UPRT: variants seen among roughly 807,000 people sequenced by gnomAD.
UPRT encodes RP11-311P8.3.
A neutral mutation model predicts 22.6 loss-of-function variants in UPRT; 5 were observed. That is an observed-to-expected ratio of 0.22 (90% confidence interval 0.12 to 0.47). UPRT has a LOEUF of 0.47. Ranked by LOEUF, UPRT falls within the 20% of genes least tolerant of loss-of-function variation. UPRT has a pLI of 0.99. For missense variants in UPRT, 181 were observed against 239.9 expected (o/e 0.75, Z 1.62); for synonymous variants, 77 against 87.7 (o/e 0.88, Z 0.68).
chrX:75,203,033 T>C (rs184012603), intron 4 of UPRT, among the ~76,000 whole-genome samples: 84 of 111,069 alleles, frequency 7.6e-4, no homozygotes, highest in African/African-American at 2.5e-3. Flanking sequence ...GACCCATCAG[T>C]GTACTGTATT....
At chrX:75,291,339 A>G (rs1222524134) in intron 1 of UPRT, 1 of 299,783 alleles carries the variant, frequency 3.3e-6, no homozygotes, top group Non-Finnish European at 6.3e-6. Flanking sequence ...ATTTTACATT[A>G]GACTTTATTT....
chrX:75,256,420 C>G (rs1161750578), intron 4 of UPRT, among the ~76,000 whole-genome samples: 1 of 110,906 alleles, frequency 9.0e-6, no homozygotes, highest in African/African-American at 3.3e-5. Flanking sequence ...ACTAAAAGAG[C>G]ACAAACAGAC....
chrX:75,277,856 A>C (rs1200434390), intron 1 of UPRT, among the ~76,000 whole-genome samples: 5 of 111,557 alleles, frequency 4.5e-5, no homozygotes, highest in African/African-American at 1.6e-4. Flanking sequence ...CATTGTTTTT[A>C]GTTTTGTTTT....
chrX:75,213,383 TA>T (rs2082384801), intron 4 of UPRT, among the ~76,000 whole-genome samples: 2 of 112,105 alleles, frequency 1.8e-5, no homozygotes, highest in Admixed American at 9.5e-5. Flanking sequence ...ATAACAGATT[TA>T]AAAAAATGAT....
chrX:75,282,630 G>C (rs1287550998), intron 1 of UPRT, among the ~76,000 whole-genome samples: 1 of 111,992 alleles, frequency 8.9e-6, no homozygotes, highest in East Asian at 2.8e-4. Flanking sequence ...ACTGCGGTCT[G>C]AGAGAGTGCT....
At chrX:75,222,659 T>C (rs2082413563) in intron 4 of UPRT, among the ~76,000 whole-genome samples, 1 of 111,057 alleles carries the variant, frequency 9.0e-6, no homozygotes, top group South Asian at 3.9e-4. Flanking sequence ...ACCACTGGCA[T>C]TCACTTAAGG....
At chrX:75,172,586 C>G (rs1199436478) in intron 4 of UPRT, among the ~76,000 whole-genome samples, 3 of 111,860 alleles carry the variant, frequency 2.7e-5, no homozygotes, top group African/African-American at 9.8e-5. Context: ...AAGAATGAAG[C>G]CACGGACCCT....
At chrX:75,259,014 C>A (rs1209952722) in intron 4 of UPRT, among the ~76,000 whole-genome samples, 1 of 111,785 alleles carries the variant, frequency 8.9e-6, no homozygotes, top group Admixed American at 9.5e-5. Flanking sequence ...CTCCAGCAGA[C>A]CTGCATCAGA....
chrX:75,292,779 C>G (rs2082712902), intron 1 of UPRT, among the ~76,000 whole-genome samples: 1 of 110,641 alleles, frequency 9.0e-6, no homozygotes, highest in Admixed American at 9.7e-5. Flanking sequence ...CTTTTTGGCT[C>G]GTTAACAGCT....
chrX:75,175,997 G>C (rs935301929), intron 4 of UPRT, among the ~76,000 whole-genome samples: 14 of 111,430 alleles, frequency 1.3e-4, no homozygotes, highest in African/African-American at 4.2e-4. Context: ...GGCTGATTGG[G>C]TGATAAACTT....
At chrX:75,254,499 A>T (rs7057576) in intron 4 of UPRT, among the ~76,000 whole-genome samples, 1,557 of 112,231 alleles carry the variant, frequency 0.014, 19 homozygotes, top group African/African-American at 0.048. Context: ...TTAAGAAAAC[A>T]TAAACAAAGC....
chrX:75,233,446 A>T (rs912569882), intron 4 of UPRT, among the ~76,000 whole-genome samples: 4 of 110,869 alleles, frequency 3.6e-5, no homozygotes, highest in Non-Finnish European at 7.6e-5. Flanking sequence ...TGCCACAGAG[A>T]TACTCCACGA....
At chrX:75,223,743 T>G (rs1328351717) in intron 4 of UPRT, among the ~76,000 whole-genome samples, 1 of 111,651 alleles carries the variant, frequency 9.0e-6, no homozygotes. Flanking sequence ...TGTCAGCAAT[T>G]CAAGACTGTA....
At chrX:75,166,298 C>A (rs2082213087) in intron 3 of UPRT, among the ~76,000 whole-genome samples, 1 of 111,911 alleles carries the variant, frequency 8.9e-6, no homozygotes, top group Non-Finnish European at 1.9e-5. Context: ...AATTACCAAC[C>A]TATTCTGAAA....
rs201034223 is a variant in UPRT at position 75,274,775 on chromosome X, GGTGTGTGTGTGTGT to G, written c.386+164_386+177del. On this transcript the variant is annotated intron_variant, in intron 1 of 6. Coordinates refer to ENST00000373383, the MANE Select transcript of UPRT (RefSeq NM_145052.4). ...GAGATTGGGGTAAGACCTTTTATTT[GGTGTGTGTGTGTGT>G]GTGTGTGTGTGTGTGTGTGTGTGTG... The G allele has an allele frequency of 2.5e-4, 89 of 361,494 alleles. No homozygotes were observed. The Admixed American group carries it at 2.8e-3, about 11-fold the overall frequency. 29.8% of individuals were successfully genotyped at this position (361,494 alleles called of 1,213,427 possible).
chrX:75,182,674 T>A (rs777590598), intron 4 of UPRT, among the ~76,000 whole-genome samples: 1 of 111,997 alleles, frequency 8.9e-6, no homozygotes, highest in Non-Finnish European at 1.9e-5. Context: ...GTTTTTTGTA[T>A]ATTTGTGGGG....
Position 75,218,229 on chromosome X carries a change from A to G in UPRT, c.-447+50350A>G, listed in dbSNP as rs1183599812. 4.3e-3 allele frequency among the ~76,000 whole-genome samples: 481 copies of G among 111,233 alleles called. 1 individual carries two copies. The highest frequency in any genetic ancestry group is 5.3e-3 in the South Asian group (14 of 2,654). ...AACCCCATCAAAAAGTGGGTGAAGG[A>G]CATGAACAGACACTTCTCAAAAGAA... On this transcript the variant is annotated intron_variant, in intron 4 of 13. Coordinates refer to the UPRT transcript ENST00000652605.
At chrX:75,252,979 G>T (rs959139132) in intron 4 of UPRT, among the ~76,000 whole-genome samples, 4 of 111,166 alleles carry the variant, frequency 3.6e-5, no homozygotes, top group Non-Finnish European at 5.7e-5. Flanking sequence ...ACTCATAGGT[G>T]AGAATTGAAC....
At position 75,238,891 on chromosome X, in the gene UPRT, A is replaced by C. The variant is rs1396000686; in HGVS notation, c.-446-52133A>C. Reference sequence around the variant, plus strand: ...TGGTCAACAACGAAATCAAGATGGAAATTAAAAAATCATTTGAACTGAACA... The same window carrying C: ...TGGTCAACAACGAAATCAAGATGGACATTAAAAAATCATTTGAACTGAACA... On this transcript the variant is annotated intron_variant, in intron 4 of 13. Coordinates refer to the UPRT transcript ENST00000652605. Among the ~76,000 whole-genome samples, 7 of 111,949 alleles carry C rather than the reference A, an allele frequency of 6.3e-5. No individual in the cohort carries two copies. In the East Asian group the frequency reaches 2.0e-3, roughly 31 times the overall value.
Sources: allele counts gnomAD v4.1 joint callset (sites outside exome capture counted in the v4.1 genomes callset), GRCh38; gene constraint gnomAD v4.1.1; transcripts MANE v1.5; gene names NCBI Gene and HGNC (gene_info 2026-07-23, HGNC 2026-07-21).